Variants in GOLGA6L10 observed in about 807,000 individuals in gnomAD.
GOLGA6L10 encodes the protein golgin subfamily A member 6-like protein 10.
A neutral mutation model predicts 56.9 loss-of-function variants in GOLGA6L10; 4 were observed. That is an observed-to-expected ratio of 0.07 (90% CI 0.03 to 0.16). The LOEUF (loss-of-function observed/expected upper bound fraction) is 0.16, where lower values mean the gene tolerates loss of function less well. GOLGA6L10 is among the 10% of genes least tolerant of loss of function. The probability of loss-of-function intolerance (pLI) is 1.00; values close to 1 mark genes in which losing one functional copy is unlikely to be tolerated. For synonymous variants in GOLGA6L10, 11 were observed against 220.9 expected (o/e 0.05, Z 8.43); for missense variants, 34 against 558.3 (o/e 0.06, Z 9.46).
Position 82,341,953 on chromosome 15 carries a change from A to G in GOLGA6L10, c.*823T>C, listed in dbSNP as rs1240616384. ...CCACAGCTCATGAGGCAGTATCTTC[A>G]TGAGCCCAGAGCACATACAAATCCT... On this transcript the variant is annotated 3_prime_UTR_variant, in exon 9 of 9. Coordinates refer to ENST00000610657, the MANE Select transcript of GOLGA6L10 (RefSeq NM_001164465.3). 2 of 113,186 alleles carry G rather than the reference A, an allele frequency of 1.8e-5. No homozygotes were observed. Among genetic ancestry groups the G allele is most frequent in the African/African-American group, 7.9e-5 (2 of 25,454 alleles). 7.0% of individuals were successfully genotyped at this position (113,186 alleles called of 1,614,324 possible).
rs1269217964 is a variant in GOLGA6L10 at position 82,341,030 on chromosome 15, C to G, written c.*1746G>C. 6.6e-6 allele frequency: 1 copy of G among 151,300 alleles called. No individual in the cohort carries two copies. Among genetic ancestry groups the G allele is most frequent in the Non-Finnish European group, 1.5e-5 (1 of 67,816 alleles). 9.4% of individuals were successfully genotyped at this position (151,300 alleles called of 1,614,324 possible). A position where few individuals can be genotyped will look rare whatever the true frequency, so the allele number is the denominator to read the frequency against. On this transcript the variant is annotated 3_prime_UTR_variant, in exon 9 of 9. Coordinates refer to ENST00000610657, the MANE Select transcript of GOLGA6L10 (RefSeq NM_001164465.3). ...GAATGATAAACAAAAACTGTTAGAC[C>G]AAATAACGTGGCTAATTAACAGTGG...
At chr15:82,344,103 A>G (rs1316738763) in intron 7 of GOLGA6L10, among the ~76,000 whole-genome samples, 158 bp downstream of exon 7, 2 of 149,688 alleles carry the variant, frequency 1.3e-5, no homozygotes, top group Admixed American at 6.6e-5. Flanking sequence ...AGAGGGCAGG[A>G]AGCAAGAAAC....
chr15:82,340,691 G>GTCATAGTTATTGTCAT lies in GOLGA6L10; in HGVS notation c.*2084_*2085insATGACAATAACTATGA. ...CTGCATGCACTTTGAAGAAAGACTT[G>GTCATAGTTATTGTCAT]AGTTATTGTCATAGGATTTCCATTC... On this transcript the variant is annotated 3_prime_UTR_variant, in exon 9 of 9. Transcript: ENST00000610657. 1 of 123,630 alleles carries GTCATAGTTATTGTCAT rather than the reference G, an allele frequency of 8.1e-6. No individual in the cohort carries two copies. Among genetic ancestry groups the GTCATAGTTATTGTCAT allele is most frequent in the African/African-American group, 2.8e-5 (1 of 35,596 alleles). The allele number at this position is 123,630 out of a possible 1,614,324, so 7.7% of individuals were successfully genotyped here.
chr15:82,342,797 C>G lies in GOLGA6L10; in HGVS notation c.1548G>C (p.Glu516Asp). 6.2e-7 allele frequency: 1 copy of G among 1,605,248 alleles called. No individual in the cohort carries two copies. The highest frequency in any genetic ancestry group is 8.5e-7 in the Non-Finnish European group (1 of 1,179,850). ...CHSFRAAENR[E>D]LNITII Reference sequence around the variant, plus strand: ...GCTCTTAGATGATGGTGATGTTTAGCTCCCTGTTCTCCGCAGCCCGAAAAG... The same window carrying G: ...GCTCTTAGATGATGGTGATGTTTAGGTCCCTGTTCTCCGCAGCCCGAAAAG... Residue 516 changes from glutamate to aspartate, a missense_variant, in exon 9 of 9, where the codon GAG becomes GAC. By Grantham distance (45) the Glu-to-Asp change is conservative. Coordinates refer to ENST00000610657, the MANE Select transcript of GOLGA6L10 (RefSeq NM_001164465.3).
intron 1 of GOLGA6L10, among the ~76,000 whole-genome samples, 191 bp from the exon 2 acceptor site, chr15:82,347,820 CA>C (rs1423422924): frequency 2.0e-5 from 3 of 151,936 alleles, no homozygotes; most frequent in African/African-American, 7.3e-5. Flanking sequence ...AAAGAAAGAT[CA>C]AAAAAGGCAA....
At chr15:82,347,893 C>G (rs1232188025) in intron 1 of GOLGA6L10, among the ~76,000 whole-genome samples, 1 of 152,286 alleles carries the variant, frequency 6.6e-6, no homozygotes, top group African/African-American at 2.4e-5. Flanking sequence ...GAATCAGCAG[C>G]TTCCAGGGAC....
At position 82,342,626 on chromosome 15, in the gene GOLGA6L10, T is replaced by A. The variant is rs866785482; in HGVS notation, c.*150A>T. On this transcript the variant is annotated 3_prime_UTR_variant, in exon 9 of 9. Transcript: ENST00000610657. ...TAGAAACACAAATAAATTTAAATTATAAATTAGAAACACAAATAAATTTAA... is the reference window on the plus strand; with the variant it reads ...TAGAAACACAAATAAATTTAAATTAAAAATTAGAAACACAAATAAATTTAA... 1.4e-6 allele frequency: 2 copies of A among 1,404,254 alleles called. No homozygotes were observed. Among genetic ancestry groups the A allele is most frequent in the Non-Finnish European group, 1.9e-6 (2 of 1,064,984 alleles). 87.0% of individuals were successfully genotyped at this position (1,404,254 alleles called of 1,614,324 possible).
Position 82,345,124 on chromosome 15 carries a change from GTTCACGTAGCCTCTC to G in GOLGA6L10, c.721_735del (p.Glu241_Glu245del). Reference sequence around the variant, plus strand: ...TCCTGTTCACACAGCCTCTCCTCCTGTTCACGTAGCCTCTCCTCCTGTTCACACAGCCTCTCCTCC... The same window carrying G: ...TCCTGTTCACACAGCCTCTCCTCCTGCTCCTGTTCACACAGCCTCTCCTCC... On this transcript the variant is annotated inframe_deletion, in exon 6 of 9. Coordinates refer to ENST00000610657, the MANE Select transcript of GOLGA6L10 (RefSeq NM_001164465.3). The G allele has an allele frequency of 3.6e-5, 20 of 557,522 alleles. No individual in the cohort carries two copies. The highest frequency in any genetic ancestry group is 5.6e-5 in the Non-Finnish European group (18 of 320,994). 34.5% of individuals were successfully genotyped at this position (557,522 alleles called of 1,614,324 possible). A position where few individuals can be genotyped will look rare whatever the true frequency, so the allele number is the denominator to read the frequency against.
chr15:82,347,054 C>T (rs1445438649), intron 2 of GOLGA6L10, among the ~76,000 whole-genome samples, 168 bp from the exon 3 acceptor site: 1 of 150,806 alleles, frequency 6.6e-6, no homozygotes, highest in African/African-American at 2.5e-5. Context: ...TTCTTATCTC[C>T]CCACCATCCC....
In GOLGA6L10 at chr15:82,345,021, T is replaced by A. The variant is rs1596066456; in HGVS notation, c.839A>T (p.Glu280Val). Residue 280 changes from glutamate (E) to valine (V), a missense_variant, in exon 6 of 9, where the codon GAA becomes GTA. Transcript: ENST00000610657. ...RLREQEERLR[E>V]QEERLCEQEE... Reference sequence around the variant, plus strand: ...CTGTTCACATAGCCTCTCCTCCTGTTCACGTAGCCTCTCCTCCTGTTCACG... The same window carrying A: ...CTGTTCACATAGCCTCTCCTCCTGTACACGTAGCCTCTCCTCCTGTTCACG... 8.2e-7 allele frequency: 1 copy of A among 1,217,110 alleles called. No individual in the cohort carries two copies. Among genetic ancestry groups the A allele is most frequent in the Non-Finnish European group, 1.1e-6 (1 of 947,730 alleles). The allele number at this position is 1,217,110 out of a possible 1,614,324, so 75.4% of individuals were successfully genotyped here.
At position 82,344,942 on chromosome 15, in the gene GOLGA6L10, T is replaced by A. The variant is rs62012750; in HGVS notation, c.918A>T (p.Leu306=). 612 of 381,076 alleles carry A rather than the reference T, an allele frequency of 1.6e-3. 5 individuals carry two copies. Among genetic ancestry groups the A allele is most frequent in the East Asian group, 0.015 (39 of 2,654 alleles). 23.6% of individuals were successfully genotyped at this position (381,076 alleles called of 1,614,324 possible). A position where few individuals can be genotyped will look rare whatever the true frequency, so the allele number is the denominator to read the frequency against. Residue 306 remains leucine, a synonymous_variant, in exon 6 of 9, where the codon CTA becomes CTT. Transcript: ENST00000610657. ...EERLREQEER[L]CEQEERLCEQ... is the part of the protein sequence containing the mutation. The stretch of plus-strand genomic sequence containing the variant: ...CACATAGCCTCTCCTCCTGTTCACA[T>A]AGCCTCTCCTCCTGTTCACGTAGCC...
intron 1 of GOLGA6L10, among the ~76,000 whole-genome samples, chr15:82,347,900 G>A (rs1202217203): frequency 6.6e-6 from 1 of 152,400 alleles, no homozygotes; most frequent in South Asian, 2.1e-4. Context: ...CAGCTTCCAG[G>A]GACCAAAACC....
intron 1 of GOLGA6L10, among the ~76,000 whole-genome samples, chr15:82,347,976 T>C (rs1326866944): frequency 4.6e-5 from 7 of 152,290 alleles, no homozygotes; most frequent in East Asian, 1.9e-4. Flanking sequence ...TTTAGAGTCA[T>C]ACATCCTCAC....
rs202193552 is a variant in GOLGA6L10 at position 82,345,005 on chromosome 15, T to A, written c.855A>T (p.Leu285=). 5.2e-5 allele frequency: 41 copies of A among 785,908 alleles called. 6 individuals are homozygous for A. The highest frequency in any genetic ancestry group is 4.9e-4 in the Middle Eastern group (1 of 2,040). The allele number at this position is 785,908 out of a possible 1,614,324, so 48.7% of individuals were successfully genotyped here. A position where few individuals can be genotyped will look rare whatever the true frequency, so the allele number is the denominator to read the frequency against. The change falls in exon 6 of 9, where the codon CTA becomes CTT. Residue 285 remains leucine (L), a synonymous_variant. Coordinates refer to ENST00000610657, the MANE Select transcript of GOLGA6L10 (RefSeq NM_001164465.3). ...EERLREQEER[L]CEQEERLCEQ... ...CACACAGCCTCTCCTCCTGTTCACA[T>A]AGCCTCTCCTCCTGTTCACGTAGCC...
At chr15:82,343,304 G>A (rs2075654199) in intron 7 of GOLGA6L10, 84 bp from the exon 8 acceptor site, 2 of 1,514,406 alleles carry the variant, frequency 1.3e-6, no homozygotes, top group African/African-American at 2.8e-5. Flanking sequence ...AGGGCACTGT[G>A]GGGCTCTGTG....
In GOLGA6L10 at chr15:82,340,081, C is replaced by G. The variant is rs1360450936; in HGVS notation, c.*2695G>C. 6.6e-6 allele frequency: 1 copy of G among 151,374 alleles called. No homozygotes were observed. The highest frequency in any genetic ancestry group is 2.4e-5 in the African/African-American group (1 of 41,404). 9.4% of individuals were successfully genotyped at this position (151,374 alleles called of 1,614,324 possible). On this transcript the variant is annotated 3_prime_UTR_variant, in exon 9 of 9. Transcript: ENST00000610657. ...AAGCAGTCAATAATGCCACTTTAGACAAAAATCAGTATTTCCATCATGCAT... is the reference window on the plus strand; with the variant it reads ...AAGCAGTCAATAATGCCACTTTAGAGAAAAATCAGTATTTCCATCATGCAT...
At chr15:82,343,930 T>TC (rs2075658244) in intron 7 of GOLGA6L10, among the ~76,000 whole-genome samples, 1 of 146,832 alleles carries the variant, frequency 6.8e-6, no homozygotes, top group African/African-American at 2.7e-5. Context: ...TGCCTCAGCC[T>TC]CCCAAAGTGC....
Position 82,340,362 on chromosome 15 carries a change from C to T in GOLGA6L10, c.*2414G>A, listed in dbSNP as rs1174753719. 2 of 151,464 alleles carry T rather than the reference C, an allele frequency of 1.3e-5. No homozygotes were observed. Among genetic ancestry groups the T allele is most frequent in the East Asian group, 1.9e-4 (1 of 5,176 alleles). 9.4% of individuals were successfully genotyped at this position (151,464 alleles called of 1,614,324 possible). A position where few individuals can be genotyped will look rare whatever the true frequency, so the allele number is the denominator to read the frequency against. On this transcript the variant is annotated 3_prime_UTR_variant, in exon 9 of 9. Coordinates refer to ENST00000610657, the MANE Select transcript of GOLGA6L10 (RefSeq NM_001164465.3). ...ATCTATTTTGGATAGGGTTGATTTA[C>T]ATTTTCACATTTTCTAAAAATCAGC...
chr15:82,344,334 AAGCAATC>A lies in GOLGA6L10; in HGVS notation c.1273-20_1273-14del. 1 of 1,546,142 alleles carries A rather than the reference AAGCAATC, an allele frequency of 6.5e-7. No individual in the cohort carries two copies. The highest frequency in any genetic ancestry group is 8.7e-7 in the Non-Finnish European group (1 of 1,144,274). ...TGTTCTCGTTGTTCTGGACAGAGAG[AAGCAATC>A]AGTGGCCACCCACTAAAACTGGAGA... On this transcript the variant is annotated splice_polypyrimidine_tract_variant and intron_variant, in intron 6 of 8. Transcript: ENST00000610657.
Sources: gnomAD v4.1 joint callset for allele counts (sites outside exome capture counted in the v4.1 genomes callset) on GRCh38, gnomAD v4.1.1 for gene constraint, MANE v1.5 for transcripts, NCBI Gene and HGNC (gene_info 2026-07-23, HGNC 2026-07-21) for gene names.